Variants in TFEC observed in about 807,000 individuals in gnomAD.
TFEC encodes the protein class E basic helix-loop-helix protein 34.
In TFEC, 31 loss-of-function variants were observed where a neutral mutation model predicts 41.6. That is an observed-to-expected ratio of 0.74 (90% CI 0.56 to 1.01). The LOEUF (loss-of-function observed/expected upper bound fraction) is 1.01, where lower values mean the gene tolerates loss of function less well. TFEC is among the 50% of genes least tolerant of loss of function. The probability of loss-of-function intolerance (pLI) is 0.00; values close to 1 mark genes in which losing one functional copy is unlikely to be tolerated. For missense variants in TFEC, 402 were observed against 404.1 expected (o/e 0.99, Z 0.04); for synonymous variants, 143 against 140.6 (o/e 1.02, Z -0.12).
Position 116,091,880 on chromosome 7 carries a change from A to T in TFEC, c.198+18828T>A, listed in dbSNP as rs1323151933. ...TTACGCTAAAAAAAAAAGGAAAAAG[A>T]AGTAGTAAGATATATATACTATTCA... On this transcript the variant is annotated intron_variant, in intron 3 of 8. Coordinates refer to the TFEC transcript ENST00000484212. 2.6e-5 allele frequency among the ~76,000 whole-genome samples: 4 copies of T among 152,084 alleles called. No individual in the cohort carries two copies. In the East Asian group the frequency reaches 5.8e-4, roughly 22 times the overall value.
intron 3 of TFEC, among the ~76,000 whole-genome samples, chr7:116,045,068 G>A (rs1413321174): frequency 3.3e-5 from 5 of 152,192 alleles, no homozygotes; most frequent in African/African-American, 9.7e-5. Flanking sequence ...ATGTGGAAGC[G>A]ACTTTGGAAC....
At chr7:116,140,039 T>C (rs1443666779) in intron 1 of TFEC, among the ~76,000 whole-genome samples, 1 of 152,190 alleles carries the variant, frequency 6.6e-6, no homozygotes, top group Non-Finnish European at 1.5e-5. Context: ...GAAGGAATGT[T>C]CTAGAAATAT....
chr7:116,152,706 C>T (rs1161041137), intron 1 of TFEC, among the ~76,000 whole-genome samples: 1 of 152,152 alleles, frequency 6.6e-6, no homozygotes, highest in Non-Finnish European at 1.5e-5. Flanking sequence ...TCTGGTTCCA[C>T]CTAGCAAAGT....
intron 3 of TFEC, among the ~76,000 whole-genome samples, chr7:116,098,402 G>A (rs765338893): frequency 1.3e-5 from 2 of 151,846 alleles, no homozygotes; most frequent in Non-Finnish European, 2.9e-5. Context: ...GCGCCCAGCC[G>A]CAACCAAGAA....
chr7:116,143,769 A>C (rs1262139271), intron 1 of TFEC, among the ~76,000 whole-genome samples: 2 of 152,186 alleles, frequency 1.3e-5, no homozygotes, highest in Non-Finnish European at 2.9e-5. Flanking sequence ...CCTTCTGCAA[A>C]CATATCACAA....
At position 116,073,070 on chromosome 7, in the gene TFEC, T is replaced by C. The variant is rs530275704; in HGVS notation, c.198+37638A>G. Among the ~76,000 whole-genome samples, 132 of 151,764 alleles carry C rather than the reference T, an allele frequency of 8.7e-4. 1 individual carries two copies. The highest frequency in any genetic ancestry group is 2.9e-3 in the African/African-American group (120 of 41,524). On this transcript the variant is annotated intron_variant, in intron 3 of 8. Transcript: ENST00000484212. ...ATACTATCTCTGTTTGTAGATGGCATGATCTCGTACATAGAAAATCTTAAA... is the reference window on the plus strand; with the variant it reads ...ATACTATCTCTGTTTGTAGATGGCACGATCTCGTACATAGAAAATCTTAAA...
intron 3 of TFEC, among the ~76,000 whole-genome samples, chr7:116,044,723 C>A (rs561535625): frequency 6.6e-6 from 1 of 152,354 alleles, no homozygotes; most frequent in African/African-American, 2.4e-5. Context: ...ACTGCCTACA[C>A]CTGCTGACTG....
intron 5 of TFEC, among the ~76,000 whole-genome samples, chr7:115,951,986 G>A (rs1791970186): frequency 6.6e-6 from 1 of 151,918 alleles, no homozygotes; most frequent in Admixed American, 6.6e-5. Context: ...GGAAGTAAAG[G>A]TAGAAAAGGA....
intron 2 of TFEC, among the ~76,000 whole-genome samples, chr7:115,980,031 CA>C (rs1793556536): frequency 6.6e-6 from 1 of 152,124 alleles, no homozygotes; most frequent in African/African-American, 2.4e-5. Flanking sequence ...AACTTGTTCC[CA>C]CAGCAGATCC....
At chr7:116,076,020 T>G (rs979846553) in intron 3 of TFEC, among the ~76,000 whole-genome samples, 3 of 152,146 alleles carry the variant, frequency 2.0e-5, no homozygotes, top group Non-Finnish European at 2.9e-5. Context: ...CAGAGTCCAC[T>G]TCACTCCCTT....
intron 6 of TFEC, among the ~76,000 whole-genome samples, chr7:115,949,438 T>G (rs1298674562): frequency 1.1e-4 from 16 of 152,080 alleles, no homozygotes; most frequent in South Asian, 1.0e-3. Context: ...CACACTACCT[T>G]ACTTCAAACT....
At chr7:115,991,978 T>G (rs1211882992) in intron 1 of TFEC, among the ~76,000 whole-genome samples, 1 of 152,116 alleles carries the variant, frequency 6.6e-6, no homozygotes, top group Non-Finnish European at 1.5e-5. Flanking sequence ...TCAGCAAATG[T>G]AAAAGAACAG....
intron 1 of TFEC, among the ~76,000 whole-genome samples, chr7:115,985,735 G>T (rs1159484050): frequency 6.6e-6 from 1 of 151,904 alleles, no homozygotes; most frequent in East Asian, 1.9e-4. Context: ...GATTAAGATT[G>T]GTAATAAAGA....
chr7:115,983,294 C>G (rs1256760362), intron 2 of TFEC, among the ~76,000 whole-genome samples: 1 of 151,812 alleles, frequency 6.6e-6, no homozygotes, highest in Non-Finnish European at 1.5e-5. Flanking sequence ...AACAATCTGC[C>G]ACATCCTTAT....
chr7:116,142,307 T>C (rs1798557263), intron 1 of TFEC, among the ~76,000 whole-genome samples: 1 of 152,184 alleles, frequency 6.6e-6, no homozygotes, highest in South Asian at 2.1e-4. Flanking sequence ...AAACAAAATA[T>C]AACGATCATT....
At chr7:116,026,955 CA>C (rs1040881608) in intron 1 of TFEC, among the ~76,000 whole-genome samples, 7 of 152,096 alleles carry the variant, frequency 4.6e-5, no homozygotes, top group African/African-American at 1.7e-4. Flanking sequence ...GCCTCTTAGC[CA>C]AATGTTAATT....
intron 1 of TFEC, among the ~76,000 whole-genome samples, chr7:116,154,954 A>G (rs1798837528): frequency 1.3e-5 from 2 of 152,180 alleles, no homozygotes; most frequent in Admixed American, 6.5e-5. Flanking sequence ...CTCTTCTGCC[A>G]TACTATCCCT....
chr7:116,005,081 T>C (rs192716692), intron 1 of TFEC, among the ~76,000 whole-genome samples: 37 of 152,344 alleles, frequency 2.4e-4, no homozygotes, highest in African/African-American at 7.9e-4. Context: ...CCCAGCCATG[T>C]GAAACTGTAA....
At chr7:116,155,710 G>C (rs935491703) in intron 1 of TFEC, among the ~76,000 whole-genome samples, 5 of 152,212 alleles carry the variant, frequency 3.3e-5, no homozygotes, top group African/African-American at 1.2e-4. Flanking sequence ...AATCAGGACT[G>C]TTAACATATC....
Sources: gnomAD v4.1 joint callset for allele counts (sites outside exome capture counted in the v4.1 genomes callset) on GRCh38, gnomAD v4.1.1 for gene constraint, MANE v1.5 for transcripts, NCBI Gene and HGNC (gene_info 2026-07-23, HGNC 2026-07-21) for gene names.